The following PTPRQ variants were observed in gnomAD, a reference collection of about 807,000 sequenced individuals.
PTPRQ encodes phosphatidylinositol phosphatase PTPRQ.
Under a neutral mutation model 246.0 loss-of-function variants are expected in PTPRQ, and 199 were observed. The observed-to-expected ratio is 0.81, with a 90% CI of 0.72 to 0.91. The LOEUF (loss-of-function observed/expected upper bound fraction) is 0.91, where lower values mean the gene tolerates loss of function less well. Ranked by LOEUF, PTPRQ falls within the 40% of genes least tolerant of loss-of-function variation. PTPRQ has a pLI of 0.00. For synonymous variants in PTPRQ, 869 were observed against 853.2 expected (o/e 1.02, Z -0.32); for missense variants, 2,624 against 2,528.4 (o/e 1.04, Z -0.81).
At chr12:80,455,189 CAAACA>C (rs1892936510) in intron 3 of PTPRQ, among the ~76,000 whole-genome samples, 1 of 151,972 alleles carries the variant, frequency 6.6e-6, no homozygotes, top group Admixed American at 6.6e-5. Flanking sequence ...ACAAAACAAA[CAAACA>C]AAAAAACAGA....
chr12:80,454,477 C>G, intron 3 of PTPRQ: 2 of 702,244 alleles, frequency 2.8e-6, no homozygotes, highest in East Asian at 2.7e-5. Flanking sequence ...CTTGCTTGAT[C>G]GCTCTGGCTA....
intron 25 of PTPRQ, among the ~76,000 whole-genome samples, chr12:80,570,247 G>C (rs1051093952): frequency 6.6e-6 from 1 of 152,172 alleles, no homozygotes; most frequent in Non-Finnish European, 1.5e-5. Context: ...AGCATCTGTT[G>C]TTTCCTGACT....
At chr12:80,529,376 G>A (rs963859851) in intron 17 of PTPRQ, among the ~76,000 whole-genome samples, 1 of 152,150 alleles carries the variant, frequency 6.6e-6, no homozygotes, top group African/African-American at 2.4e-5. Context: ...AACAGGGATA[G>A]ATGTATCATC....
At chr12:80,564,199 G>A (rs113037281) in intron 25 of PTPRQ, among the ~76,000 whole-genome samples, 5 of 152,122 alleles carry the variant, frequency 3.3e-5, no homozygotes, top group African/African-American at 1.2e-4. Context: ...CCACTATCTC[G>A]TCATCTAGCA....
intron 39 of PTPRQ, among the ~76,000 whole-genome samples, chr12:80,661,701 T>C (rs1247898959): frequency 1.3e-5 from 2 of 151,594 alleles, no homozygotes; most frequent in Non-Finnish European, 3.0e-5. Context: ...TATGGGTAAA[T>C]AAAGAAAACC....
At chr12:80,595,651 G>A (rs1485999619) in intron 26 of PTPRQ, among the ~76,000 whole-genome samples, 1 of 151,530 alleles carries the variant, frequency 6.6e-6, no homozygotes, top group African/African-American at 2.4e-5. Flanking sequence ...TGCCATGCTG[G>A]TGTGCTGCAC....
At chr12:80,606,843 G>A (rs1898342392) in intron 27 of PTPRQ, among the ~76,000 whole-genome samples, 1 of 150,764 alleles carries the variant, frequency 6.6e-6, no homozygotes, top group Admixed American at 6.6e-5. Context: ...TAATTAGCAC[G>A]AATGATGAAT....
At chr12:80,465,886 C>T (rs1893386837) in intron 6 of PTPRQ, among the ~76,000 whole-genome samples, 1 of 152,102 alleles carries the variant, frequency 6.6e-6, no homozygotes, top group Non-Finnish European at 1.5e-5. Context: ...ATGACAAACC[C>T]ACAGCCAATA....
At chr12:80,537,560 A>T (rs1454222344) in intron 19 of PTPRQ, among the ~76,000 whole-genome samples, 1 of 152,220 alleles carries the variant, frequency 6.6e-6, no homozygotes, top group Admixed American at 6.5e-5. Context: ...TGAAAGATTT[A>T]AAAAATATTA....
intron 3 of PTPRQ, among the ~76,000 whole-genome samples, chr12:80,456,093 T>A (rs2120454824): frequency 6.6e-6 from 1 of 152,266 alleles, no homozygotes; most frequent in South Asian, 2.1e-4. Context: ...ATCAATATCT[T>A]CTTTGAACCT....
At chr12:80,487,160 C>G (rs1426834125) in intron 9 of PTPRQ, among the ~76,000 whole-genome samples, 1 of 139,852 alleles carries the variant, frequency 7.2e-6, no homozygotes, top group Non-Finnish European at 1.7e-5. Context: ...CTCTGGATTC[C>G]TAATTGCAGC....
chr12:80,478,012 C>A (rs1893881710), intron 8 of PTPRQ, among the ~76,000 whole-genome samples: 1 of 152,248 alleles, frequency 6.6e-6, no homozygotes, highest in African/African-American at 2.4e-5. Flanking sequence ...GAAGCTCCAA[C>A]TGGGTGGAGC....
chr12:80,488,338 G>A (rs1894345353), intron 9 of PTPRQ, among the ~76,000 whole-genome samples: 1 of 151,902 alleles, frequency 6.6e-6, no homozygotes, highest in Non-Finnish European at 1.5e-5. Flanking sequence ...CACTCCCCCA[G>A]CCTACTATTT....
intron 10 of PTPRQ, among the ~76,000 whole-genome samples, chr12:80,494,331 A>T (rs929777186): frequency 6.6e-6 from 1 of 152,018 alleles, no homozygotes; most frequent in Non-Finnish European, 1.5e-5. Context: ...AAAATCTAAC[A>T]TTTGAAATTC....
intron 23 of PTPRQ, among the ~76,000 whole-genome samples, chr12:80,543,698 A>AAAAGTC (rs1592635644): frequency 6.6e-6 from 1 of 152,152 alleles, no homozygotes; most frequent in African/African-American, 2.4e-5. Context: ...ATTGAATAGT[A>AAAAGTC]AAAGTCAAAA....
chr12:80,468,831 A>C lies in PTPRQ; in HGVS notation c.1032A>C (p.Gly344=). The stretch of plus-strand genomic sequence containing the variant: ...TTAGTTATAGAGTTGAATTATATGG[A>C]CCATCAGGTAAGCCTTAATTGGTTT... The part of the protein sequence containing the change: ...GKFSYRVELY[G]PSGRILDNST... The change falls in exon 7 of 45, where the codon GGA becomes GGC. Residue 344 remains glycine, a synonymous_variant. Coordinates refer to ENST00000644991, the MANE Select transcript of PTPRQ (RefSeq NM_001145026.2). The C allele has an allele frequency of 1.3e-6, 2 of 1,547,938 alleles. No individual in the cohort carries two copies. Among genetic ancestry groups the C allele is most frequent in the Non-Finnish European group, 1.7e-6 (2 of 1,145,538 alleles).
At chr12:80,617,913 GAACTA>G (rs1439461040) in intron 30 of PTPRQ, among the ~76,000 whole-genome samples, 3 of 151,282 alleles carry the variant, frequency 2.0e-5, no homozygotes, top group Non-Finnish European at 3.0e-5. Context: ...GAGAATCTCA[GAACTA>G]CCTGAAACCT....
At chr12:80,535,667 A>C (rs1895965170) in intron 19 of PTPRQ, among the ~76,000 whole-genome samples, 1 of 152,214 alleles carries the variant, frequency 6.6e-6, no homozygotes, top group Non-Finnish European at 1.5e-5. Flanking sequence ...AAAATAGCTA[A>C]CATGCATTTA....
intron 27 of PTPRQ, among the ~76,000 whole-genome samples, chr12:80,607,835 G>C (rs1898384731): frequency 6.6e-6 from 1 of 150,666 alleles, no homozygotes; most frequent in African/African-American, 2.4e-5. Flanking sequence ...CATTTTCATT[G>C]TTCCTTTTAC....
Sources: allele counts gnomAD v4.1 joint callset (sites outside exome capture counted in the v4.1 genomes callset), GRCh38; gene constraint gnomAD v4.1.1; transcripts MANE v1.5; gene names NCBI Gene and HGNC (gene_info 2026-07-23, HGNC 2026-07-21).